PPP4R4: variants seen among roughly 807,000 people sequenced by gnomAD.
PPP4R4 encodes protein phosphatase 4 regulatory subunit 4.
PPP4R4 carries 70 observed loss-of-function variants against 121.8 expected under a neutral mutation model. The observed-to-expected ratio is 0.57, with a 90% confidence interval of 0.47 to 0.70. The LOEUF is 0.70. Ranked by LOEUF, PPP4R4 falls within the 30% of genes least tolerant of loss-of-function variation. PPP4R4 has a pLI of 0.00. For synonymous variants in PPP4R4, 348 were observed against 355.7 expected (o/e 0.98, Z 0.24); for missense variants, 875 against 1,033.6 (o/e 0.85, Z 2.10).
At chr14:94,275,562 C>T (rs1236124865) in intron 24 of PPP4R4, 41 bp downstream of exon 24, 2 of 1,602,306 alleles carry the variant, frequency 1.2e-6, no homozygotes, top group South Asian at 1.1e-5. Flanking sequence ...TATTATCCTC[C>T]TCTTTTGCTT....
intron 3 of PPP4R4, among the ~76,000 whole-genome samples, chr14:94,228,271 T>C (rs975519941): frequency 6.6e-6 from 1 of 152,192 alleles, no homozygotes; most frequent in Non-Finnish European, 1.5e-5. Flanking sequence ...AAATGATGAA[T>C]GGAAGTGCAG....
chr14:94,255,951 A>G (rs747815865), intron 16 of PPP4R4, among the ~76,000 whole-genome samples: 6 of 152,130 alleles, frequency 3.9e-5, no homozygotes, highest in African/African-American at 9.7e-5. Context: ...ATAGTGGCCA[A>G]TTTGCTCATT....
chr14:94,231,431 AAC>A, intron 5 of PPP4R4, 116 bp downstream of exon 5: 1 of 771,252 alleles, frequency 1.3e-6, no homozygotes, highest in Non-Finnish European at 2.1e-6. Context: ...TTTTGAATGT[AAC>A]ACGTGCACAT....
chr14:94,194,588 G>C (rs1053975961), intron 2 of PPP4R4, among the ~76,000 whole-genome samples: 1 of 151,818 alleles, frequency 6.6e-6, no homozygotes, highest in African/African-American at 2.4e-5. Context: ...GTCAGTGATG[G>C]TAGCATAGAT....
At chr14:94,196,968 A>G (rs761117078) in intron 2 of PPP4R4, among the ~76,000 whole-genome samples, 7 of 152,118 alleles carry the variant, frequency 4.6e-5, no homozygotes, top group Non-Finnish European at 8.8e-5. Flanking sequence ...TTTCATTTTT[A>G]TGTGAAATTA....
rs561550036 is a variant in PPP4R4 at position 94,176,162 on chromosome 14, T to G, written c.191+35T>G. The G allele has an allele frequency of 3.0e-4, 457 of 1,517,052 alleles. 3 individuals are homozygous for G. In the South Asian group the frequency reaches 4.3e-3, roughly 14 times the overall value. The allele number at this position is 1,517,052 out of a possible 1,614,324, so 94.0% of individuals were successfully genotyped here. On this transcript the variant is annotated intron_variant, in intron 2 of 24. Transcript: ENST00000304338. ...AGTCTTTCTGTGAAATTGCTCTTCTTTTTTCCCTGTGCAGCAGAGATGAAT... is the reference window on the plus strand; with the variant it reads ...AGTCTTTCTGTGAAATTGCTCTTCTGTTTTCCCTGTGCAGCAGAGATGAAT...
intron 23 of PPP4R4, among the ~76,000 whole-genome samples, chr14:94,271,914 T>C (rs1045825784): frequency 6.6e-6 from 1 of 152,162 alleles, no homozygotes; most frequent in East Asian, 1.9e-4. Context: ...TACCATTTAC[T>C]ATCAGCACTC....
At chr14:94,187,992 G>A (rs7154144) in intron 2 of PPP4R4, among the ~76,000 whole-genome samples, 116,222 of 152,070 alleles carry the variant, frequency 0.76, 45,264 homozygotes, top group Admixed American at 0.84. Context: ...TCTCCACTGT[G>A]GGAGTGGTGA....
chr14:94,254,757 G>GAA (rs1047884423), intron 16 of PPP4R4, among the ~76,000 whole-genome samples: 5 of 152,174 alleles, frequency 3.3e-5, no homozygotes, highest in Non-Finnish European at 7.4e-5. Flanking sequence ...AAACAGCCAT[G>GAA]GAAAAAGAGT....
chr14:94,184,981 A>G (rs1483408503), intron 2 of PPP4R4, among the ~76,000 whole-genome samples: 1 of 152,232 alleles, frequency 6.6e-6, no homozygotes, highest in Non-Finnish European at 1.5e-5. Context: ...ATACTAGCAG[A>G]TACTTGTATT....
At position 94,176,097 on chromosome 14, in the gene PPP4R4, G is replaced by A. The variant is rs1374211574; in HGVS notation, c.161G>A (p.Ser54Asn). 5 of 1,612,862 alleles carry A rather than the reference G, an allele frequency of 3.1e-6. No individual in the cohort carries two copies. The highest frequency in any genetic ancestry group is 4.2e-6 in the Non-Finnish European group (5 of 1,178,932). Residue 54 changes from serine (S) to asparagine (N), a missense_variant, in exon 2 of 25, where the codon AGT becomes AAT. Coordinates refer to ENST00000304338, the MANE Select transcript of PPP4R4 (RefSeq NM_058237.2). ...IERLTVDEDL[S>N]DIERAVYLLS... ...AGATTGACAGTCGATGAAGACCTCA[G>A]TGATATTGAAAGGGCTGTTTATCTG...
Position 94,230,743 on chromosome 14 carries a change from C to T in PPP4R4, c.442+9C>T, listed in dbSNP as rs751370377. 6.2e-7 allele frequency: 1 copy of T among 1,603,498 alleles called. No individual in the cohort carries two copies. Among genetic ancestry groups the T allele is most frequent in the South Asian group, 1.1e-5 (1 of 89,636 alleles). On this transcript the variant is annotated intron_variant, in intron 4 of 24. Coordinates refer to ENST00000304338, the MANE Select transcript of PPP4R4 (RefSeq NM_058237.2). ...GGAGCACAGGGACACAGGTCAGGGGCCTGGCATGCTTAATTATATACTTGT... is the reference window on the plus strand; with the variant it reads ...GGAGCACAGGGACACAGGTCAGGGGTCTGGCATGCTTAATTATATACTTGT...
intron 3 of PPP4R4, among the ~76,000 whole-genome samples, chr14:94,208,870 T>C (rs1890598203): frequency 6.6e-6 from 1 of 151,942 alleles, no homozygotes; most frequent in African/African-American, 2.4e-5. Flanking sequence ...AAAAAGTATT[T>C]AGTATTCTGT....
chr14:94,270,786 T>A (rs1894280153), intron 23 of PPP4R4, among the ~76,000 whole-genome samples: 1 of 151,734 alleles, frequency 6.6e-6, no homozygotes, highest in Admixed American at 6.6e-5. Context: ...GGTGTGGTGG[T>A]GTGCACCTAT....
chr14:94,258,639 GC>G, intron 17 of PPP4R4, 143 bp from the exon 18 acceptor site: 1 of 645,068 alleles, frequency 1.6e-6, no homozygotes, highest in Non-Finnish European at 2.8e-6. Context: ...GTAGAATTGG[GC>G]AGAACTTTAG....
At chr14:94,225,236 T>G (rs1250735078) in intron 3 of PPP4R4, among the ~76,000 whole-genome samples, 4 of 152,140 alleles carry the variant, frequency 2.6e-5, no homozygotes, top group African/African-American at 9.7e-5. Flanking sequence ...AACATAAAAA[T>G]CATCTGCATA....
At chr14:94,221,683 C>A (rs1566667990) in intron 3 of PPP4R4, among the ~76,000 whole-genome samples, 1 of 151,832 alleles carries the variant, frequency 6.6e-6, no homozygotes. Context: ...AACAAACAAA[C>A]AAAAAAACAG....
Position 94,265,074 on chromosome 14 carries a change from A to G in PPP4R4, c.2197+127A>G, listed in dbSNP as rs537351783. ...TGCTTTACTTTCTTTCATTTTTGAA[A>G]AGTCGTTTTTGAAAATTGGCCACTT... On this transcript the variant is annotated intron_variant, in intron 20 of 24. Coordinates refer to ENST00000304338, the MANE Select transcript of PPP4R4 (RefSeq NM_058237.2). The G allele has an allele frequency of 6.4e-6, 6 of 931,956 alleles. No homozygotes were observed. The African/African-American group carries it at 1.0e-4, about 16-fold the overall frequency. The allele number at this position is 931,956 out of a possible 1,614,324, so 57.7% of individuals were successfully genotyped here.
intron 22 of PPP4R4, 49 bp from the exon 23 acceptor site, chr14:94,266,910 T>A (rs910044757): frequency 8.2e-7 from 1 of 1,217,576 alleles, no homozygotes; most frequent in African/African-American, 1.5e-5. Context: ...TGACTGAGAT[T>A]GTAAGAAGTG....
Sources: gnomAD v4.1 joint callset for allele counts (sites outside exome capture counted in the v4.1 genomes callset) on GRCh38, gnomAD v4.1.1 for gene constraint, MANE v1.5 for transcripts, NCBI Gene and HGNC (gene_info 2026-07-23, HGNC 2026-07-21) for gene names.